Variants in PLCB1 observed in about 807,000 individuals in gnomAD.
The protein encoded by PLCB1 is phospholipase C beta 1.
In PLCB1, 46 loss-of-function variants were observed where a neutral mutation model predicts 161.8. The ratio of observed to expected loss-of-function variants is 0.28; its 90% confidence interval spans 0.22 to 0.36. The LOEUF (loss-of-function observed/expected upper bound fraction) is 0.36. PLCB1 is among the 10% of genes least tolerant of loss of function. The pLI, the probability that PLCB1 is intolerant of heterozygous loss-of-function variation, is 1.00. For synonymous variants in PLCB1, 517 were observed against 503.7 expected (o/e 1.03, Z -0.35); for missense variants, 1,016 against 1,472.5 (o/e 0.69, Z 5.07).
intron 2 of PLCB1, among the ~76,000 whole-genome samples, chr20:8,323,981 A>G (rs1327690736): frequency 1.3e-5 from 2 of 152,296 alleles, no homozygotes; most frequent in East Asian, 3.9e-4. Context: ...GGGAAGAGTT[A>G]AGTGAGAAAA....
intron 16 of PLCB1, among the ~76,000 whole-genome samples, chr20:8,725,930 A>C (rs1286962409): frequency 6.6e-6 from 1 of 152,118 alleles, no homozygotes; most frequent in Non-Finnish European, 1.5e-5. Flanking sequence ...TATTTTACCA[A>C]GTACCTATTA....
At chr20:8,562,034 T>TA (rs1296706867) in intron 3 of PLCB1, among the ~76,000 whole-genome samples, 1 of 151,710 alleles carries the variant, frequency 6.6e-6, no homozygotes, top group African/African-American at 2.4e-5. Flanking sequence ...CTCCCTTGAG[T>TA]AAAAAAAGAT....
At chr20:8,811,042 G>A (rs1984793175) in intron 31 of PLCB1, among the ~76,000 whole-genome samples, 1 of 152,206 alleles carries the variant, frequency 6.6e-6, no homozygotes, top group South Asian at 2.1e-4. Flanking sequence ...GACCACCTAT[G>A]AGGTAGGAGG....
rs541367077 is a variant in PLCB1 at position 8,792,828 on chromosome 20, A to G, written c.3423+2567A>G. Reference sequence around the variant, plus strand: ...TGGTGGTTAATAAAGGGAAATGACAATGACAACAGGAGCAGCAATAGACAG... The same window carrying G: ...TGGTGGTTAATAAAGGGAAATGACAGTGACAACAGGAGCAGCAATAGACAG... On this transcript the variant is annotated intron_variant, in intron 31 of 31. Transcript: ENST00000338037. 26 of 355,884 alleles carry G rather than the reference A, an allele frequency of 7.3e-5. No homozygotes were observed. The East Asian group carries it at 1.8e-3, about 25-fold the overall frequency. The allele number at this position is 355,884 out of a possible 1,614,324, so 22.0% of individuals were successfully genotyped here.
At chr20:8,691,585 T>C (rs1476244602) in intron 10 of PLCB1, among the ~76,000 whole-genome samples, 2 of 152,144 alleles carry the variant, frequency 1.3e-5, no homozygotes, top group African/African-American at 4.8e-5. Flanking sequence ...TAAGGACTAA[T>C]ATTCCTGAAA....
intron 3 of PLCB1, among the ~76,000 whole-genome samples, chr20:8,520,153 T>C (rs774848642): frequency 6.6e-6 from 1 of 152,324 alleles, no homozygotes. Context: ...AAACTGTTAG[T>C]GGTTCTTCCT....
At chr20:8,412,118 A>C (rs1219057085) in intron 3 of PLCB1, among the ~76,000 whole-genome samples, 1 of 152,244 alleles carries the variant, frequency 6.6e-6, no homozygotes, top group Non-Finnish European at 1.5e-5. Flanking sequence ...TAGTTATTGC[A>C]TGTGGAGGAA....
chr20:8,554,726 T>A (rs1985893187), intron 3 of PLCB1, among the ~76,000 whole-genome samples: 1 of 152,128 alleles, frequency 6.6e-6, no homozygotes. Context: ...TGTTTATGAT[T>A]TGCATTATTT....
chr20:8,467,130 G>A (rs1981858043), intron 3 of PLCB1, among the ~76,000 whole-genome samples: 1 of 151,894 alleles, frequency 6.6e-6, no homozygotes, highest in African/African-American at 2.4e-5. Flanking sequence ...TAGTAGAGAT[G>A]GGGTTTCACT....
intron 3 of PLCB1, among the ~76,000 whole-genome samples, chr20:8,611,057 A>G (rs1446528678): frequency 2.0e-5 from 3 of 152,012 alleles, no homozygotes; most frequent in Non-Finnish European, 4.4e-5. Flanking sequence ...AAATCAACCT[A>G]GGATTTATAT....
intron 24 of PLCB1, among the ~76,000 whole-genome samples, chr20:8,758,734 A>G (rs1444632512): frequency 2.0e-5 from 3 of 152,254 alleles, no homozygotes; most frequent in African/African-American, 7.2e-5. Flanking sequence ...GTGTGAGTAA[A>G]TAGTCATGTG....
In PLCB1 at chr20:8,610,942, T is replaced by G. The variant is rs144802809; in HGVS notation, c.247-17352T>G. ...TAATGATGAGAAGTTTTATTTTAAA[T>G]AAACATATTTTAATGTATGAAATTT... On this transcript the variant is annotated intron_variant, in intron 3 of 31. Transcript: ENST00000338037. 3.8e-3 allele frequency among the ~76,000 whole-genome samples: 573 copies of G among 152,110 alleles called. 5 individuals are homozygous for G. The highest frequency in any genetic ancestry group is 0.013 in the African/African-American group (539 of 41,546).
At chr20:8,585,607 T>C (rs1986966115) in intron 3 of PLCB1, among the ~76,000 whole-genome samples, 1 of 152,226 alleles carries the variant, frequency 6.6e-6, no homozygotes, top group Admixed American at 6.5e-5. Flanking sequence ...ATCACGTTTT[T>C]ACCCCTCTTG....
chr20:8,224,055 C>T (rs1476111074), intron 2 of PLCB1, among the ~76,000 whole-genome samples: 2 of 152,162 alleles, frequency 1.3e-5, no homozygotes, highest in Non-Finnish European at 2.9e-5. Context: ...ACAGAAACCA[C>T]ATTTTAAACA....
chr20:8,746,463 G>A (rs1018343269), intron 23 of PLCB1, among the ~76,000 whole-genome samples: 17 of 152,152 alleles, frequency 1.1e-4, no homozygotes, highest in East Asian at 1.9e-4. Flanking sequence ...AAAATAATGA[G>A]CATTTACTGA....
At chr20:8,308,639 AAAG>A (rs1224219015) in intron 2 of PLCB1, among the ~76,000 whole-genome samples, 2 of 150,500 alleles carry the variant, frequency 1.3e-5, no homozygotes, top group African/African-American at 4.9e-5. Flanking sequence ...AAAAAAAAAA[AAAG>A]GACAACTATG....
chr20:8,696,070 C>T (rs1466082477), intron 10 of PLCB1, among the ~76,000 whole-genome samples: 1 of 152,170 alleles, frequency 6.6e-6, no homozygotes, highest in Non-Finnish European at 1.5e-5. Context: ...ATCTACAAAA[C>T]CATTGCTGAA....
chr20:8,659,200 A>T (rs539247328), intron 9 of PLCB1, among the ~76,000 whole-genome samples: 1 of 152,278 alleles, frequency 6.6e-6, no homozygotes, highest in South Asian at 2.1e-4. Flanking sequence ...CTGTCTGTGT[A>T]AAAAAGCCTA....
At chr20:8,160,616 A>G (rs2051612686) in intron 2 of PLCB1, among the ~76,000 whole-genome samples, 1 of 152,196 alleles carries the variant, frequency 6.6e-6, no homozygotes, top group Admixed American at 6.5e-5. Context: ...CACTATCATG[A>G]GAACAGCAGA....
Sources: allele counts gnomAD v4.1 joint callset (sites outside exome capture counted in the v4.1 genomes callset), GRCh38; gene constraint gnomAD v4.1.1; transcripts MANE v1.5; gene names NCBI Gene and HGNC (gene_info 2026-07-23, HGNC 2026-07-21).